The following EGF variants were observed in gnomAD, a reference collection of about 807,000 sequenced individuals.
EGF encodes pro-epidermal growth factor.
EGF carries 95 observed loss-of-function variants against 143.8 expected under a neutral mutation model. The observed-to-expected ratio is 0.66, with a 90% confidence interval of 0.56 to 0.78. The LOEUF is 0.78. Among genes scored for constraint, EGF ranks in the 30% least tolerant of loss-of-function variants. EGF has a pLI of 0.00. For synonymous variants in EGF, 510 were observed against 510.5 expected (o/e 1.00, Z 0.01); for missense variants, 1,320 against 1,470.9 (o/e 0.90, Z 1.68).
At chr4:109,949,308 C>T (rs1743408887) in intron 5 of EGF, among the ~76,000 whole-genome samples, 1 of 152,112 alleles carries the variant, frequency 6.6e-6, no homozygotes, top group African/African-American at 2.4e-5. Context: ...CTCAGGTGAT[C>T]CACCTGCCTC....
rs183881736 is a variant in EGF at position 109,935,759 on chromosome 4, T to A, written c.128-5187T>A. On this transcript the variant is annotated intron_variant, in intron 1 of 23. Transcript: ENST00000265171. ...ACCAAGAGTTTTTAGCATGTAAGGG[T>A]GTTGAATTTTATCGAAGGCGTTTTC... is the stretch of plus-strand genomic sequence containing the variant. 3.9e-4 allele frequency among the ~76,000 whole-genome samples: 59 copies of A among 152,256 alleles called. No homozygotes were observed. The Middle Eastern group carries it at 0.014, about 35-fold the overall frequency.
chr4:109,988,443 C>A, intron 17 of EGF, 141 bp from the exon 18 acceptor site: 1 of 1,210,264 alleles, frequency 8.3e-7, no homozygotes, highest in Non-Finnish European at 1.2e-6. Flanking sequence ...GTCCAAGATG[C>A]AGGGCGTGCC....
rs535663826 is a variant in EGF at position 109,936,358 on chromosome 4, C to T, written c.128-4588C>T. On this transcript the variant is annotated intron_variant, in intron 1 of 23. Transcript: ENST00000265171. ...TAGAGGTGTTTATAGTATTCTCTAA[C>T]GGTAGTTTGTATTTCTGTGGGATCG... Among the ~76,000 whole-genome samples the T allele has an allele frequency of 3.6e-4, 54 of 152,110 alleles. 1 individual carries two copies. In the South Asian group the frequency reaches 8.5e-3, roughly 24 times the overall value.
At chr4:109,999,364 T>G (rs11569097) in intron 20 of EGF, among the ~76,000 whole-genome samples, 1 of 152,138 alleles carries the variant, frequency 6.6e-6, no homozygotes, top group Non-Finnish European at 1.5e-5. Flanking sequence ...TTTGTGTTGG[T>G]TTTAAAAGGT....
At chr4:109,989,539 C>A (rs1378248132) in intron 18 of EGF, among the ~76,000 whole-genome samples, 1 of 152,172 alleles carries the variant, frequency 6.6e-6, no homozygotes, top group Non-Finnish European at 1.5e-5. Flanking sequence ...TCAATCATAA[C>A]TATCAATCTT....
chr4:109,916,575 G>A (rs919748084), intron 1 of EGF, among the ~76,000 whole-genome samples: 7 of 152,108 alleles, frequency 4.6e-5, no homozygotes, highest in South Asian at 2.1e-4. Flanking sequence ...TGGCCACCCC[G>A]GGCAGTCTGG....
intron 8 of EGF, 80 bp from the exon 9 acceptor site, chr4:109,963,092 GT>G: frequency 3.3e-6 from 5 of 1,497,692 alleles, no homozygotes; most frequent in Non-Finnish European, 4.6e-6. Context: ...TTAACAAATG[GT>G]TGACTCGCCC....
At chr4:109,963,117 A>T (rs1745978757) in intron 8 of EGF, 56 bp from the exon 9 acceptor site, 1 of 1,602,586 alleles carries the variant, frequency 6.2e-7, no homozygotes, top group Non-Finnish European at 8.5e-7. Flanking sequence ...TCCTTTGATG[A>T]AAAATAATTA....
intron 22 of EGF, among the ~76,000 whole-genome samples, chr4:110,006,266 A>G (rs1753280091): frequency 7.2e-6 from 1 of 138,062 alleles, no homozygotes; most frequent in East Asian, 1.9e-4. Context: ...GGTCACTTGA[A>G]CCCAAGAGTT....
chr4:109,913,529 A>C (rs1035784390), intron 1 of EGF, 67 bp downstream of exon 1: 25 of 1,588,260 alleles, frequency 1.6e-5, no homozygotes, highest in Admixed American at 3.6e-5. Context: ...TGTTGGTTCA[A>C]TCTGGTATAC....
intron 15 of EGF, 131 bp downstream of exon 15, chr4:109,981,106 G>C: frequency 7.2e-7 from 1 of 1,385,292 alleles, no homozygotes; most frequent in East Asian, 2.3e-5. Context: ...GGAATGCTAA[G>C]AATTTGTTTG....
chr4:109,949,440 GA>G (rs2126024911), intron 5 of EGF, among the ~76,000 whole-genome samples: 1 of 152,284 alleles, frequency 6.6e-6, no homozygotes, highest in South Asian at 2.1e-4. Context: ...GTGATTTAGA[GA>G]TGATGTGTTC....
chr4:109,974,741 G>A lies in EGF; in HGVS notation c.1763G>A (p.Arg588His), dbSNP rs554205393. 10 of 1,613,458 alleles carry A rather than the reference G, an allele frequency of 6.2e-6. No homozygotes were observed. Among genetic ancestry groups the A allele is most frequent in the South Asian group, 1.1e-5 (1 of 91,074 alleles). Residue 588 changes from arginine to histidine, a missense_variant, in exon 12 of 24, where the codon CGT becomes CAT. By Grantham distance (29) the Arg-to-His change is conservative. Around this residue, in one of 5 missense-constraint regions of EGF, gnomAD observed 1,186 missense variants for 1,313.7 expected, o/e 0.90. Coordinates refer to ENST00000265171, the MANE Select transcript of EGF (RefSeq NM_001963.6). ...GGAAGGAGTGATTTAAATGGGAAAC[G>A]TTCCAAAATAATCACTAAGGAGAAC... is the stretch of plus-strand genomic sequence containing the variant. Reference protein sequence around the residue: ...LIGRSDLNGKRSKIITKENIS... With the variant: ...LIGRSDLNGKHSKIITKENIS...
chr4:109,915,775 C>T (rs1446701266), intron 1 of EGF, among the ~76,000 whole-genome samples: 2 of 152,220 alleles, frequency 1.3e-5, no homozygotes, highest in South Asian at 2.1e-4. Flanking sequence ...CCTGACCCAG[C>T]AGGAAGAATG....
intron 1 of EGF, among the ~76,000 whole-genome samples, chr4:109,917,533 G>C (rs1432574038): frequency 6.6e-6 from 1 of 151,708 alleles, no homozygotes; most frequent in East Asian, 1.9e-4. Flanking sequence ...TTACATTCAG[G>C]TGTACATGTG....
intron 5 of EGF, among the ~76,000 whole-genome samples, chr4:109,949,662 G>T (rs1743503572): frequency 6.6e-6 from 1 of 151,036 alleles, no homozygotes; most frequent in South Asian, 2.1e-4. Flanking sequence ...TTAAAAAAAG[G>T]ACTCAGGCAT....
At chr4:109,972,916 G>T (rs1747889615) in intron 11 of EGF, among the ~76,000 whole-genome samples, 1 of 152,170 alleles carries the variant, frequency 6.6e-6, no homozygotes, top group Admixed American at 6.5e-5. Flanking sequence ...GGAGGGAATG[G>T]CCCTACCTTG....
Position 109,980,932 on chromosome 4 carries a change from T to C in EGF, c.2328T>C (p.Asp776=), listed in dbSNP as rs1749266383. The C allele has an allele frequency of 1.2e-6, 2 of 1,614,084 alleles. No homozygotes were observed. Among genetic ancestry groups the C allele is most frequent in the South Asian group, 2.2e-5 (2 of 91,072 alleles). Reference sequence around the variant, plus strand: ...GTGAAGGTTTTATGAAAGCCTCAGATGGGAAAACGTGTCTGGCTCTGGATG... The same window carrying C: ...GTGAAGGTTTTATGAAAGCCTCAGACGGGAAAACGTGTCTGGCTCTGGATG... ...SCREGFMKAS[D]GKTCLALDGH... Residue 776 remains aspartate (D), a synonymous_variant, in exon 15 of 24, where the codon GAT becomes GAC. Coordinates refer to ENST00000265171, the MANE Select transcript of EGF (RefSeq NM_001963.6).
intron 10 of EGF, among the ~76,000 whole-genome samples, chr4:109,966,600 CT>C (rs1254850231): frequency 6.6e-6 from 1 of 152,050 alleles, no homozygotes; most frequent in African/African-American, 2.4e-5. Flanking sequence ...CTATTTTTAG[CT>C]CTTGAGAAAT....
Sources: allele counts gnomAD v4.1 joint callset (sites outside exome capture counted in the v4.1 genomes callset), GRCh38; gene constraint gnomAD v4.1.1; regional missense constraint gnomAD v4.1.1; transcripts MANE v1.5; gene names NCBI Gene and HGNC (gene_info 2026-07-23, HGNC 2026-07-21).